The following MMP27 variants were observed in gnomAD, a reference collection of about 807,000 sequenced individuals.
The protein encoded by MMP27 is matrix metallopeptidase 27.
In MMP27, 51 loss-of-function variants were observed where a neutral mutation model predicts 48.1. The observed-to-expected ratio is 1.06, with a 90% CI of 0.85 to 1.34. MMP27 has a LOEUF of 1.34. Among genes scored for constraint, MMP27 ranks in the 40% most tolerant of loss-of-function variants. The pLI is 0.00. For missense variants in MMP27, 698 were observed against 619.3 expected (o/e 1.13, Z -1.35); for synonymous variants, 229 against 208.9 (o/e 1.10, Z -0.83).
In MMP27 at chr11:102,692,820, A is replaced by G. The variant is rs1860749597; in HGVS notation, c.1297+118T>C. The G allele has an allele frequency of 1.1e-5, 8 of 720,166 alleles. No individual in the cohort carries two copies. The Admixed American group carries it at 1.6e-4, about 15-fold the overall frequency. The allele number at this position is 720,166 out of a possible 1,614,324, so 44.6% of individuals were successfully genotyped here. A position where few individuals can be genotyped will look rare whatever the true frequency, so the allele number is the denominator to read the frequency against. On this transcript the variant is annotated intron_variant, in intron 9 of 9. Coordinates refer to ENST00000260229, the MANE Select transcript of MMP27 (RefSeq NM_022122.3). ...TTGTGGGGTTAATGTTTATTATTGTATATACTTAAGAGTAGCAAAATTGCA... is the reference window on the plus strand; with the variant it reads ...TTGTGGGGTTAATGTTTATTATTGTGTATACTTAAGAGTAGCAAAATTGCA...
chr11:102,701,043 G>A (rs1022403006), intron 4 of MMP27, among the ~76,000 whole-genome samples: 11 of 152,154 alleles, frequency 7.2e-5, no homozygotes, highest in East Asian at 5.8e-4. Context: ...TGGAGATTAC[G>A]TTTGCTTGAT....
chr11:102,696,721 T>C lies in MMP27; in HGVS notation c.734A>G (p.Lys245Arg). ...GATATCATCCTGAGAAAGTGGGTATTTTCTGGGATCCAGGGAGACATAATT... is the reference window on the plus strand; with the variant it reads ...GATATCATCCTGAGAAAGTGGGTATCTTCTGGGATCCAGGGAGACATAATT... ...FPNYVSLDPRKYPLSQDDING... is the reference protein window; with the variant it reads ...FPNYVSLDPRRYPLSQDDING... The change falls in exon 5 of 10, where the codon AAA (lysine) becomes AGA (arginine). Residue 245 changes from lysine to arginine, a missense_variant. Coordinates refer to ENST00000260229, the MANE Select transcript of MMP27 (RefSeq NM_022122.3). 1 of 1,613,884 alleles carries C rather than the reference T, an allele frequency of 6.2e-7. No homozygotes were observed. The highest frequency in any genetic ancestry group is 8.5e-7 in the Non-Finnish European group (1 of 1,179,918).
intron 4 of MMP27, among the ~76,000 whole-genome samples, chr11:102,701,457 AG>A (rs1418412036): frequency 6.6e-6 from 1 of 152,212 alleles, no homozygotes; most frequent in African/African-American, 2.4e-5. Context: ...TGGCTGAGCA[AG>A]GGGAGTCATT....
At chr11:102,693,130 T>G (rs535234537) in intron 8 of MMP27, 89 bp from the exon 9 acceptor site, 2 of 918,090 alleles carry the variant, frequency 2.2e-6, no homozygotes, top group East Asian at 4.9e-5. Context: ...CAAGCAGGGA[T>G]GTGGGGAATA....
intron 2 of MMP27, 66 bp downstream of exon 2, chr11:102,704,471 C>G: frequency 8.1e-7 from 1 of 1,236,602 alleles, no homozygotes; most frequent in South Asian, 1.3e-5. Context: ...GAATATTATT[C>G]TGTTCCTTGG....
chr11:102,704,734 A>G lies in MMP27; in HGVS notation c.144T>C (p.Asn48=). The change falls in exon 2 of 10, where the codon AAT becomes AAC. Residue 48 remains asparagine (N), a synonymous_variant. Coordinates refer to ENST00000260229, the MANE Select transcript of MMP27 (RefSeq NM_022122.3). ...NQFYSLEIEG[N]HLVQSKNRSL... is the part of the protein sequence containing the mutation. ...TCCTATTCTTGCTTTGAACAAGATG[A>G]TTCCCTTCTATTTCAAGAGAGTAGA... The G allele has an allele frequency of 6.2e-7, 1 of 1,613,434 alleles. No individual in the cohort carries two copies. The highest frequency in any genetic ancestry group is 8.5e-7 in the Non-Finnish European group (1 of 1,179,666).
intron 4 of MMP27, among the ~76,000 whole-genome samples, chr11:102,697,418 T>A (rs1369028450): frequency 6.6e-6 from 1 of 152,238 alleles, no homozygotes. Flanking sequence ...TTATGTAGAC[T>A]GTATAAACAC....
Position 102,697,389 on chromosome 11 carries a change from G to A in MMP27, c.620-554C>T, listed in dbSNP as rs556426609. On this transcript the variant is annotated intron_variant, in intron 4 of 9. Coordinates refer to ENST00000260229, the MANE Select transcript of MMP27 (RefSeq NM_022122.3). ...GAGTGAGTGGTGAGTGAATGTGAAG[G>A]CCTAGGACTTACAGTACATTATGTA... Among the ~76,000 whole-genome samples, 7 of 152,248 alleles carry A rather than the reference G, an allele frequency of 4.6e-5. No homozygotes were observed. The East Asian group carries it at 1.3e-3, about 29-fold the overall frequency.
chr11:102,694,861 C>A, intron 7 of MMP27, 106 bp downstream of exon 7: 1 of 1,287,122 alleles, frequency 7.8e-7, no homozygotes, highest in Non-Finnish European at 1.1e-6. Context: ...GAGCAAAAGC[C>A]CTGCGCCTTG....
At chr11:102,694,668 C>A (rs182168478) in intron 7 of MMP27, among the ~76,000 whole-genome samples, 1 of 152,266 alleles carries the variant, frequency 6.6e-6, no homozygotes, top group Admixed American at 6.5e-5. Flanking sequence ...CCAAATCTGG[C>A]AACCTTAGTA....
chr11:102,703,475 T>G (rs1272141406), intron 2 of MMP27, among the ~76,000 whole-genome samples: 1 of 152,208 alleles, frequency 6.6e-6, no homozygotes, highest in Non-Finnish European at 1.5e-5. Flanking sequence ...TGAGAATCAT[T>G]TTTTTGAATG....
At chr11:102,702,704 G>A (rs1860964256) in intron 4 of MMP27, 49 bp downstream of exon 4, 1 of 1,544,396 alleles carries the variant, frequency 6.5e-7, no homozygotes, top group Non-Finnish European at 8.7e-7. Context: ...TTCTTTTCAG[G>A]GATTCTTTAG....
chr11:102,695,453 T>G (rs1367282504), intron 6 of MMP27, among the ~76,000 whole-genome samples: 2 of 152,216 alleles, frequency 1.3e-5, no homozygotes, highest in Admixed American at 6.5e-5. Flanking sequence ...AGCAGATGCT[T>G]GCTGGAATAA....
intron 4 of MMP27, 83 bp from the exon 5 acceptor site, chr11:102,696,918 G>A (rs2134266706): frequency 7.0e-7 from 1 of 1,426,836 alleles, no homozygotes; most frequent in South Asian, 1.4e-5. Flanking sequence ...GTAACTAAGG[G>A]GAATGAAATA....
chr11:102,696,167 A>T (rs964077552), intron 6 of MMP27, among the ~76,000 whole-genome samples: 1 of 152,234 alleles, frequency 6.6e-6, no homozygotes, highest in African/African-American at 2.4e-5. Flanking sequence ...GGCAATTTTT[A>T]AAATTCCTTA....
intron 5 of MMP27, 56 bp from the exon 6 acceptor site, chr11:102,696,547 T>C (rs1374323534): frequency 1.3e-6 from 2 of 1,599,400 alleles, no homozygotes; most frequent in African/African-American, 1.3e-5. Flanking sequence ...GAAATATGCC[T>C]ACACAAGGGT....
At chr11:102,700,365 C>T (rs148972799) in intron 4 of MMP27, among the ~76,000 whole-genome samples, 1 of 152,158 alleles carries the variant, frequency 6.6e-6, no homozygotes, top group Non-Finnish European at 1.5e-5. Flanking sequence ...TTTCCTTATG[C>T]CTAGAATGTA....
At position 102,696,415 on chromosome 11, in the gene MMP27, G is replaced by A. The variant is rs142464074; in HGVS notation, c.858C>T (p.Asp286=). The A allele has an allele frequency of 9.6e-5, 155 of 1,613,646 alleles. 2 individuals are homozygous for A. The highest frequency in any genetic ancestry group is 7.6e-4 in the East Asian group (34 of 44,876). Residue 286 remains aspartate (D), a synonymous_variant, in exon 6 of 10, where the codon GAC becomes GAT. Transcript: ENST00000260229. ...PHACDPDLTF[D]AITTFRREVM... ...CTTCTCTGCGGAAAGTTGTGATAGC[G>A]TCAAAAGTCAAGTCAGGGTCACAGG...
At chr11:102,699,480 A>ATAC (rs1565427941) in intron 4 of MMP27, among the ~76,000 whole-genome samples, 1 of 149,628 alleles carries the variant, frequency 6.7e-6, no homozygotes, top group African/African-American at 2.6e-5. Context: ...AAAATAAATA[A>ATAC]ATAAATACAT....
Sources: allele counts gnomAD v4.1 joint callset (sites outside exome capture counted in the v4.1 genomes callset), GRCh38; gene constraint gnomAD v4.1.1; transcripts MANE v1.5; gene names NCBI Gene and HGNC (gene_info 2026-07-23, HGNC 2026-07-21).